Variants in PDE11A observed in about 807,000 individuals in gnomAD.
The protein encoded by PDE11A is phosphodiesterase 11A, also known as dual 3',5'-cyclic-AMP and -GMP phosphodiesterase 11A.
In PDE11A, 100 loss-of-function variants were observed where a neutral mutation model predicts 100.5. That is an observed-to-expected ratio of 1.00 (90% CI 0.85 to 1.18). The LOEUF is 1.18. Among genes scored for constraint, PDE11A ranks in the 50% most tolerant of loss-of-function variants. The probability of loss-of-function intolerance (pLI) is 0.00; values close to 1 mark genes in which losing one functional copy is unlikely to be tolerated. For synonymous variants in PDE11A, 381 were observed against 420.8 expected, an observed-to-expected ratio of 0.91 and a Z score of 1.16; for missense variants, 1,141 against 1,152.6, an observed-to-expected ratio of 0.99 and a Z score of 0.15.
Position 178,087,371 on chromosome 2 carries a change from A to G in PDE11A, c.162+16931T>C, listed in dbSNP as rs2087371242. 2.0e-5 allele frequency among the ~76,000 whole-genome samples: 3 copies of G among 152,262 alleles called. No individual in the cohort carries two copies. The South Asian group carries it at 6.2e-4, about 32-fold the overall frequency. On this transcript the variant is annotated intron_variant, in intron 2 of 20. Coordinates refer to the PDE11A transcript ENST00000358450. ...TCCAACTCAAAAAAAAAAAAAAGAA[A>G]ATGTCGTATATATACACAATTGAAT... is the stretch of plus-strand genomic sequence containing the variant.
At chr2:178,096,769 CA>C (rs2087497760) in intron 2 of PDE11A, among the ~76,000 whole-genome samples, 1 of 152,218 alleles carries the variant, frequency 6.6e-6, no homozygotes, top group African/African-American at 2.4e-5. Context: ...TGGTCAAAAC[CA>C]TTCAACAAGT....
In PDE11A at chr2:178,019,910, T is replaced by G. The variant is rs113435404; in HGVS notation, c.913-5450A>C. ...GAGAGTAGAAGGTTGATAAATCAAT[T>G]TATTAAACAAGGTGAAGTGCATCTT... On this transcript the variant is annotated intron_variant, in intron 1 of 19. Transcript: ENST00000286063. Among the ~76,000 whole-genome samples, 950 of 152,270 alleles carry G rather than the reference T, an allele frequency of 6.2e-3. 4 individuals carry two copies. The highest frequency in any genetic ancestry group is 0.021 in the African/African-American group (875 of 41,564).
chr2:178,063,136 G>A (rs1042424824), intron 1 of PDE11A, among the ~76,000 whole-genome samples: 6 of 152,040 alleles, frequency 3.9e-5, no homozygotes, highest in Non-Finnish European at 5.9e-5. Flanking sequence ...TGTATACTTC[G>A]GAAATTGCAT....
intron 5 of PDE11A, among the ~76,000 whole-genome samples, chr2:177,845,117 G>A (rs1246764478): frequency 1.9e-4 from 29 of 152,116 alleles, no homozygotes; most frequent in East Asian, 3.9e-4. Flanking sequence ...AGGGGCAGCC[G>A]GGCAGAGGCG....
At chr2:177,664,003 G>C in intron 18 of PDE11A, 54 bp from the exon 19 acceptor site, 1 of 1,087,724 alleles carries the variant, frequency 9.2e-7, no homozygotes, top group Non-Finnish European at 1.4e-6. Flanking sequence ...TATTTTACAG[G>C]GTGCTTTGTC....
intron 10 of PDE11A, among the ~76,000 whole-genome samples, chr2:177,755,927 A>G (rs1461019953): frequency 6.6e-6 from 1 of 152,218 alleles, no homozygotes; most frequent in Non-Finnish European, 1.5e-5. Context: ...GGAATCACCA[A>G]GTGGCTCTGA....
In PDE11A at chr2:177,625,555, A is replaced by G. The variant is rs895006749; in HGVS notation, c.*3852T>C. The stretch of plus-strand genomic sequence containing the variant: ...GTAAGAATAAATATGTCTGAAAAAA[A>G]TACATCTCATCGAAAAAGTAGGATG... On this transcript the variant is annotated 3_prime_UTR_variant, in exon 20 of 20. Transcript: ENST00000286063. 2 of 152,274 alleles carry G rather than the reference A, an allele frequency of 1.3e-5. No homozygotes were observed. Among genetic ancestry groups the G allele is most frequent in the African/African-American group, 4.8e-5 (2 of 41,466 alleles). 9.4% of individuals were successfully genotyped at this position (152,274 alleles called of 1,614,324 possible). A position where few individuals can be genotyped will look rare whatever the true frequency, so the allele number is the denominator to read the frequency against.
At chr2:177,996,160 G>C (rs1295871471) in intron 2 of PDE11A, among the ~76,000 whole-genome samples, 1 of 151,996 alleles carries the variant, frequency 6.6e-6, no homozygotes, top group Non-Finnish European at 1.5e-5. Context: ...CTGGGAGGTG[G>C]AGGTTGCAGT....
At chr2:177,960,662 G>C (rs530878819) in intron 2 of PDE11A, among the ~76,000 whole-genome samples, 1 of 150,072 alleles carries the variant, frequency 6.7e-6, no homozygotes, top group South Asian at 2.1e-4. Context: ...GCCAAGTCAA[G>C]AAGAAAAAAA....
At chr2:177,777,661 A>T (rs1323211201) in intron 9 of PDE11A, among the ~76,000 whole-genome samples, 1 of 152,240 alleles carries the variant, frequency 6.6e-6, no homozygotes, top group Non-Finnish European at 1.5e-5. Flanking sequence ...AATTGAATGC[A>T]TTATAATAGT....
At chr2:177,917,315 G>C (rs1297211828) in intron 2 of PDE11A, among the ~76,000 whole-genome samples, 2 of 152,130 alleles carry the variant, frequency 1.3e-5, no homozygotes, top group African/African-American at 4.8e-5. Flanking sequence ...CCATGGCCTT[G>C]ATTTCCCCTG....
At chr2:177,949,556 T>C (rs1193081224) in intron 2 of PDE11A, among the ~76,000 whole-genome samples, 1 of 152,164 alleles carries the variant, frequency 6.6e-6, no homozygotes, top group African/African-American at 2.4e-5. Flanking sequence ...TGCTCTATTA[T>C]AAAATGGAGG....
intron 5 of PDE11A, among the ~76,000 whole-genome samples, chr2:177,863,119 T>C (rs1180600499): frequency 6.6e-6 from 1 of 151,892 alleles, no homozygotes; most frequent in African/African-American, 2.4e-5. Flanking sequence ...CTGGGAAAAC[T>C]GGATTTCCAA....
At chr2:178,081,529 C>A (rs1328250156) in intron 2 of PDE11A, among the ~76,000 whole-genome samples, 2 of 152,166 alleles carry the variant, frequency 1.3e-5, no homozygotes, top group Non-Finnish European at 2.9e-5. Flanking sequence ...TTAACAATGA[C>A]CAAAATGGCA....
chr2:177,909,844 G>A (rs1276056109), intron 2 of PDE11A, among the ~76,000 whole-genome samples: 1 of 151,962 alleles, frequency 6.6e-6, no homozygotes, highest in African/African-American at 2.4e-5. Flanking sequence ...AAGGTAGTTG[G>A]GTATGCAATC....
chr2:178,094,248 G>A (rs2087460096), intron 2 of PDE11A, among the ~76,000 whole-genome samples: 1 of 151,956 alleles, frequency 6.6e-6, no homozygotes, highest in African/African-American at 2.4e-5. Flanking sequence ...CAAAAGTTAG[G>A]CCAGGCATGG....
intron 9 of PDE11A, 116 bp from the exon 10 acceptor site, chr2:177,769,489 C>T: frequency 1.5e-6 from 1 of 673,526 alleles, no homozygotes; most frequent in Non-Finnish European, 2.6e-6. Flanking sequence ...TAAAGGTGGA[C>T]TTTAATGTAT....
chr2:177,750,444 T>C (rs545412750), intron 10 of PDE11A, among the ~76,000 whole-genome samples: 2 of 152,380 alleles, frequency 1.3e-5, no homozygotes, highest in East Asian at 3.9e-4. Flanking sequence ...ATTCTTGAAA[T>C]AGTATCAGTG....
At chr2:177,642,151 G>A (rs932484209) in intron 19 of PDE11A, among the ~76,000 whole-genome samples, 4 of 152,208 alleles carry the variant, frequency 2.6e-5, no homozygotes, top group Admixed American at 6.5e-5. Context: ...GATAGGAATT[G>A]CCTGTTTATC....
Sources: gnomAD v4.1 joint callset for allele counts (sites outside exome capture counted in the v4.1 genomes callset) on GRCh38, gnomAD v4.1.1 for gene constraint, MANE v1.5 for transcripts, NCBI Gene and HGNC (gene_info 2026-07-23, HGNC 2026-07-21) for gene names.